Variants in EIPR1 observed in about 807,000 individuals in gnomAD.
The protein encoded by EIPR1 is EARP and GARP complex-interacting protein 1.
Under a neutral mutation model 48.1 loss-of-function variants are expected in EIPR1, and 25 were observed. The ratio of observed to expected loss-of-function variants is 0.52; its 90% CI spans 0.38 to 0.73. EIPR1 has a LOEUF of 0.73. Ranked by LOEUF, EIPR1 falls within the 30% of genes least tolerant of loss-of-function variation. The pLI, the probability that EIPR1 is intolerant of heterozygous loss-of-function variation, is 0.00. For synonymous variants in EIPR1, 204 were observed against 201.9 expected, an observed-to-expected ratio of 1.01 and a Z score of -0.09; for missense variants, 415 against 506.2, an observed-to-expected ratio of 0.82 and a Z score of 1.73.
chr2:3,351,711 A>G (rs1670583064), intron 2 of EIPR1, among the ~76,000 whole-genome samples: 1 of 152,242 alleles, frequency 6.6e-6, no homozygotes, highest in South Asian at 2.1e-4. Flanking sequence ...TAACACACAT[A>G]CATACATACA....
chr2:3,363,037 C>A (rs954559425), intron 1 of EIPR1, among the ~76,000 whole-genome samples: 5 of 152,206 alleles, frequency 3.3e-5, no homozygotes, highest in African/African-American at 1.2e-4. Context: ...GGGCGGCCTG[C>A]ATCTGCCCTT....
chr2:3,198,517 T>A (rs1664888385), intron 5 of EIPR1, among the ~76,000 whole-genome samples: 1 of 152,346 alleles, frequency 6.6e-6, no homozygotes, highest in Non-Finnish European at 1.5e-5. Context: ...GCCACCATCC[T>A]TGCAGAGCCT....
At chr2:3,324,258 C>A (rs945666900) in intron 3 of EIPR1, among the ~76,000 whole-genome samples, 2 of 152,168 alleles carry the variant, frequency 1.3e-5, no homozygotes, top group African/African-American at 2.4e-5. Context: ...AGGACCCACC[C>A]GAGACAGCTC....
chr2:3,278,417 C>A (rs905805181), intron 3 of EIPR1, among the ~76,000 whole-genome samples: 1 of 152,172 alleles, frequency 6.6e-6, no homozygotes, highest in Non-Finnish European at 1.5e-5. Context: ...AACCTGTGGC[C>A]AGCCAGCCCT....
At chr2:3,330,907 G>A (rs765196402) in intron 3 of EIPR1, among the ~76,000 whole-genome samples, 22 of 97,142 alleles carry the variant, frequency 2.3e-4, no homozygotes, top group Non-Finnish European at 2.8e-4. Flanking sequence ...CTCATGAGAC[G>A]GTGTAAGCAG....
intron 5 of EIPR1, among the ~76,000 whole-genome samples, chr2:3,201,557 G>A (rs2103116309): frequency 6.6e-6 from 1 of 152,360 alleles, no homozygotes; most frequent in African/African-American, 2.4e-5. Context: ...ACTGCAGGGA[G>A]GGAGAGCGTG....
intron 3 of EIPR1, among the ~76,000 whole-genome samples, chr2:3,277,085 T>G (rs543772961): frequency 2.0e-5 from 3 of 152,290 alleles, no homozygotes; most frequent in Admixed American, 6.5e-5. Context: ...GAAGTCTCAG[T>G]AAAAACAAGT....
intron 3 of EIPR1, among the ~76,000 whole-genome samples, chr2:3,313,154 G>GCA (rs901646860): frequency 7.2e-5 from 11 of 152,190 alleles, no homozygotes; most frequent in Non-Finnish European, 1.5e-4. Flanking sequence ...GATGAGGGCT[G>GCA]CACTTCTTCC....
At chr2:3,324,068 T>A (rs1377801868) in intron 3 of EIPR1, among the ~76,000 whole-genome samples, 1 of 152,170 alleles carries the variant, frequency 6.6e-6, no homozygotes, top group Non-Finnish European at 1.5e-5. Flanking sequence ...AAAAGCATGT[T>A]ATGCACACGG....
intron 6 of EIPR1, among the ~76,000 whole-genome samples, chr2:3,196,378 C>T (rs920647124): frequency 8.5e-5 from 13 of 152,188 alleles, no homozygotes; most frequent in South Asian, 2.1e-4. Flanking sequence ...ACAACTGGAA[C>T]GGAAAACTCG....
At chr2:3,323,601 C>T (rs1420635496) in intron 3 of EIPR1, among the ~76,000 whole-genome samples, 1 of 152,168 alleles carries the variant, frequency 6.6e-6, no homozygotes, top group Non-Finnish European at 1.5e-5. Context: ...AACCAAGCCA[C>T]GTGAGCAGCC....
intron 2 of EIPR1, among the ~76,000 whole-genome samples, chr2:3,340,653 T>C (rs1670211281): frequency 6.6e-6 from 1 of 152,194 alleles, no homozygotes; most frequent in Middle Eastern, 3.2e-3. Context: ...GAGAAAAACA[T>C]TTGGCAGAAA....
At chr2:3,364,438 TG>T in intron 1 of EIPR1, among the ~76,000 whole-genome samples, 1 of 152,130 alleles carries the variant, frequency 6.6e-6, no homozygotes, top group Non-Finnish European at 1.5e-5. Context: ...GAGACCAGCC[TG>T]GGCAACATGA....
chr2:3,199,893 T>TGGGGA (rs1664963621), intron 5 of EIPR1, among the ~76,000 whole-genome samples: 1 of 53,172 alleles, frequency 1.9e-5, no homozygotes, highest in Non-Finnish European at 3.4e-5. Context: ...TGGGCAGGCA[T>TGGGGA]GGGGGGTGTG....
At chr2:3,226,921 C>T (rs1011451916) in intron 4 of EIPR1, among the ~76,000 whole-genome samples, 11 of 152,222 alleles carry the variant, frequency 7.2e-5, no homozygotes, top group Non-Finnish European at 1.2e-4. Flanking sequence ...TTTGTTCCTC[C>T]TTCACCTTCC....
chr2:3,211,031 CCT>C, intron 5 of EIPR1, among the ~76,000 whole-genome samples: 1 of 152,178 alleles, frequency 6.6e-6, no homozygotes. Flanking sequence ...GTGCTTATTA[CCT>C]GGCTCATGAA....
chr2:3,317,298 G>C (rs1035616614), intron 3 of EIPR1, among the ~76,000 whole-genome samples: 1 of 151,460 alleles, frequency 6.6e-6, no homozygotes, highest in African/African-American at 2.4e-5. Context: ...AGGAGCGCAC[G>C]AGGTGCTGAC....
chr2:3,298,809 C>G (rs908755752), intron 3 of EIPR1, among the ~76,000 whole-genome samples: 9 of 152,170 alleles, frequency 5.9e-5, no homozygotes, highest in South Asian at 4.1e-4. Flanking sequence ...GACTCACCCC[C>G]CATAAGAAGG....
At chr2:3,293,081 G>A (rs1398582229) in intron 3 of EIPR1, among the ~76,000 whole-genome samples, 1 of 152,188 alleles carries the variant, frequency 6.6e-6, no homozygotes, top group Non-Finnish European at 1.5e-5. Context: ...GCCAGCCTAC[G>A]AGTCTTCCTC....
Sources: gnomAD v4.1 joint callset for allele counts (sites outside exome capture counted in the v4.1 genomes callset) on GRCh38, gnomAD v4.1.1 for gene constraint, MANE v1.5 for transcripts, NCBI Gene and HGNC (gene_info 2026-07-23, HGNC 2026-07-21) for gene names.